Variants in DMRT1 observed in about 807,000 individuals in gnomAD.
DMRT1 encodes doublesex and mab-3 related transcription factor 1, also known as doublesex- and mab-3-related transcription factor 1.
Under a neutral mutation model 32.3 loss-of-function variants are expected in DMRT1, and 7 were observed. The observed-to-expected ratio is 0.22, with a 90% CI of 0.12 to 0.41. DMRT1 has a LOEUF of 0.41. Ranked by LOEUF, DMRT1 falls within the 10% of genes least tolerant of loss-of-function variation. The probability of loss-of-function intolerance (pLI) is 1.00; values close to 1 mark genes in which losing one functional copy is unlikely to be tolerated. For missense variants in DMRT1, 625 were observed against 500.5 expected, an observed-to-expected ratio of 1.25 and a Z score of -2.37; for synonymous variants, 278 against 206.1, an observed-to-expected ratio of 1.35 and a Z score of -2.99.
At chr9:871,940 C>G (rs376516633) in intron 2 of DMRT1, among the ~76,000 whole-genome samples, 2 of 151,436 alleles carry the variant, frequency 1.3e-5, no homozygotes, top group Non-Finnish European at 2.9e-5. Context: ...ATATTTTCTT[C>G]ATCTCTCTAT....
intron 2 of DMRT1, among the ~76,000 whole-genome samples, chr9:861,531 C>G (rs1037462261): frequency 6.6e-6 from 1 of 152,218 alleles, no homozygotes; most frequent in African/African-American, 2.4e-5. Context: ...TTCTATTCGA[C>G]AAAACCGCCA....
intron 2 of DMRT1, among the ~76,000 whole-genome samples, chr9:868,529 C>T (rs925694065): frequency 3.3e-5 from 5 of 152,188 alleles, no homozygotes; most frequent in Admixed American, 6.6e-5. Context: ...GGGTTTCAAT[C>T]GCAGTTCCAG....
rs775668187 is a variant in DMRT1, at chr9:916,837, C to T, written c.897C>T (p.Tyr299=). The change falls in exon 4 of 5, where the codon TAC becomes TAT. Residue 299 remains tyrosine, a synonymous_variant. Transcript: ENST00000382276. The part of the protein sequence containing the change: ...RMHSYYPPPS[Y]LGQSVPQFFT... ...ATTCTTACTACCCGCCTCCCTCTTA[C>T]CTGGGCCAGAGCGTGCCCCAGTTCT... 1.5e-5 allele frequency: 25 copies of T among 1,614,090 alleles called. No homozygotes were observed. In the East Asian group the frequency reaches 5.3e-4, roughly 35 times the overall value.
At chr9:847,181 C>T (rs776809864) in intron 2 of DMRT1, 38 bp downstream of exon 2, 4 of 1,602,660 alleles carry the variant, frequency 2.5e-6, no homozygotes, top group South Asian at 2.2e-5. Flanking sequence ...GGAGGCTGGG[C>T]ATGAGGGAGG....
At chr9:894,865 G>C (rs751099770) in intron 3 of DMRT1, 1 of 154,998 alleles carries the variant, frequency 6.5e-6, no homozygotes, top group Non-Finnish European at 1.4e-5. Context: ...CCAGGCTGGA[G>C]TGCAGTGGTA....
intron 3 of DMRT1, among the ~76,000 whole-genome samples, chr9:898,435 G>C (rs553980002): frequency 5.3e-5 from 8 of 152,156 alleles, no homozygotes; most frequent in African/African-American, 1.7e-4. Flanking sequence ...GGTAGCAGAA[G>C]TGTCAGGAAC....
intron 2 of DMRT1, among the ~76,000 whole-genome samples, chr9:882,858 G>A (rs571959892): frequency 4.8e-4 from 69 of 145,014 alleles, no homozygotes; most frequent in African/African-American, 1.6e-3. Flanking sequence ...TGCCACCTCT[G>A]CCTCTCAGGT....
intron 2 of DMRT1, among the ~76,000 whole-genome samples, chr9:886,278 C>T (rs982917160): frequency 1.3e-5 from 2 of 152,114 alleles, no homozygotes; most frequent in African/African-American, 2.4e-5. Context: ...TATTTTTGAG[C>T]GGAGTCTCGC....
In DMRT1 at chr9:900,334, G is replaced by A. The variant is rs73378435; in HGVS notation, c.822+6139G>A. Among the ~76,000 whole-genome samples the A allele has an allele frequency of 2.5e-3, 375 of 152,050 alleles. 4 individuals are homozygous for A. The highest frequency in any genetic ancestry group is 8.3e-3 in the African/African-American group (346 of 41,548). ...AGTACCTTTTCACTGCTTGTCCGCCGTAAGGAGCAGCCAGACAGGCTCTCG... is the reference window on the plus strand; with the variant it reads ...AGTACCTTTTCACTGCTTGTCCGCCATAAGGAGCAGCCAGACAGGCTCTCG... On this transcript the variant is annotated intron_variant, in intron 3 of 4. Coordinates refer to ENST00000382276, the MANE Select transcript of DMRT1 (RefSeq NM_021951.3).
chr9:945,180 G>T (rs1819201577), intron 4 of DMRT1, among the ~76,000 whole-genome samples: 1 of 151,964 alleles, frequency 6.6e-6, no homozygotes, highest in African/African-American at 2.4e-5. Context: ...TTGACATGGA[G>T]TCTTGCTCTG....
intron 4 of DMRT1, among the ~76,000 whole-genome samples, chr9:966,688 A>G (rs1465977449): frequency 3.3e-5 from 5 of 152,226 alleles, no homozygotes; most frequent in African/African-American, 1.2e-4. Context: ...GTGTGGTTCC[A>G]CTAGCTGCAG....
intron 4 of DMRT1, among the ~76,000 whole-genome samples, chr9:920,498 G>C (rs1818318973): frequency 6.6e-6 from 1 of 152,210 alleles, no homozygotes; most frequent in Non-Finnish European, 1.5e-5. Context: ...GTGACCTTCT[G>C]AGTGGTCACT....
intron 3 of DMRT1, among the ~76,000 whole-genome samples, chr9:902,869 A>G (rs924854638): frequency 6.6e-5 from 10 of 152,062 alleles, no homozygotes; most frequent in Admixed American, 2.0e-4. Context: ...AGGAACCCCA[A>G]GTAGGTTCTG....
Position 955,672 on chromosome 9 carries a change from C to T in DMRT1, c.968-12313C>T, listed in dbSNP as rs564871637. 8.6e-4 allele frequency among the ~76,000 whole-genome samples: 131 copies of T among 152,334 alleles called. 1 individual carries two copies. Among genetic ancestry groups the T allele is most frequent in the African/African-American group, 3.0e-3 (126 of 41,586 alleles). The stretch of plus-strand genomic sequence containing the variant: ...AGTAAGCCGTGATAGTGCCACTGCA[C>T]TGTCGGGCTGTGGGTATGAAACCCT... On this transcript the variant is annotated intron_variant, in intron 4 of 4. Coordinates refer to ENST00000382276, the MANE Select transcript of DMRT1 (RefSeq NM_021951.3).
chr9:893,648 G>C (rs1817236561), intron 2 of DMRT1, among the ~76,000 whole-genome samples: 1 of 152,192 alleles, frequency 6.6e-6, no homozygotes, highest in Non-Finnish European at 1.5e-5. Flanking sequence ...GTGCTGTTGG[G>C]CTTTATGTAA....
At chr9:867,872 G>C (rs1317116712) in intron 2 of DMRT1, among the ~76,000 whole-genome samples, 4 of 152,144 alleles carry the variant, frequency 2.6e-5, no homozygotes, top group African/African-American at 4.8e-5. Flanking sequence ...TAAGTGCTGT[G>C]TTATTAACAT....
intron 2 of DMRT1, among the ~76,000 whole-genome samples, chr9:869,982 C>T (rs1030606595): frequency 2.0e-4 from 31 of 152,050 alleles, no homozygotes; most frequent in African/African-American, 6.5e-4. Context: ...AAAATACGGC[C>T]CTGGAGATAA....
At chr9:897,540 T>C (rs72699263) in intron 3 of DMRT1, among the ~76,000 whole-genome samples, 2,629 of 151,518 alleles carry the variant, frequency 0.017, 39 homozygotes, top group Non-Finnish European at 0.029. Context: ...TGCAGTGAGC[T>C]ATGATTACAC....
intron 2 of DMRT1, among the ~76,000 whole-genome samples, chr9:851,390 G>A (rs1839146507): frequency 6.6e-6 from 1 of 151,568 alleles, no homozygotes; most frequent in Non-Finnish European, 1.5e-5. Flanking sequence ...AGGCGTGCGT[G>A]GCGATGCCCA....
Sources: allele counts gnomAD v4.1 joint callset (sites outside exome capture counted in the v4.1 genomes callset), GRCh38; gene constraint gnomAD v4.1.1; transcripts MANE v1.5; gene names NCBI Gene and HGNC (gene_info 2026-07-23, HGNC 2026-07-21).